Variants in NEGR1 observed in about 807,000 individuals in gnomAD.
The protein encoded by NEGR1 is neuronal growth regulator 1.
A neutral mutation model predicts 40.9 loss-of-function variants in NEGR1; 10 were observed. The observed-to-expected ratio is 0.24, with a 90% CI of 0.15 to 0.42. The LOEUF (loss-of-function observed/expected upper bound fraction) is 0.42, where lower values mean the gene tolerates loss of function less well. NEGR1 is among the 10% of genes least tolerant of loss of function. The probability of loss-of-function intolerance (pLI) is 1.00; values close to 1 mark genes in which losing one functional copy is unlikely to be tolerated. For synonymous variants in NEGR1, 185 were observed against 166.8 expected, an observed-to-expected ratio of 1.11 and a Z score of -0.84; for missense variants, 352 against 438.9, an observed-to-expected ratio of 0.80 and a Z score of 1.77.
chr1:71,879,961 G>A (rs921639793), intron 2 of NEGR1, among the ~76,000 whole-genome samples: 2 of 152,058 alleles, frequency 1.3e-5, no homozygotes, highest in Non-Finnish European at 2.9e-5. Context: ...TTTCATATGA[G>A]TTCTATAGTA....
intron 1 of NEGR1, among the ~76,000 whole-genome samples, chr1:71,996,622 T>A (rs946751928): frequency 6.6e-6 from 1 of 152,112 alleles, no homozygotes; most frequent in Admixed American, 6.5e-5. Flanking sequence ...CAAGGCTACT[T>A]CCTCAACATA....
chr1:72,185,919 A>G (rs1008152006), intron 1 of NEGR1, among the ~76,000 whole-genome samples: 9 of 151,960 alleles, frequency 5.9e-5, no homozygotes, highest in African/African-American at 2.2e-4. Flanking sequence ...ATATAGGGGA[A>G]AATACAAATG....
intron 2 of NEGR1, among the ~76,000 whole-genome samples, chr1:71,777,056 C>G (rs1656538678): frequency 2.6e-5 from 4 of 152,014 alleles, no homozygotes. Flanking sequence ...GTTTTTATCC[C>G]AGAATTTAAT....
intron 3 of NEGR1, among the ~76,000 whole-genome samples, chr1:71,768,810 G>A (rs556640328): frequency 6.0e-4 from 92 of 152,206 alleles, no homozygotes; most frequent in African/African-American, 2.2e-3. Context: ...TGGATCAAGT[G>A]GGTGATTTTT....
intron 4 of NEGR1, among the ~76,000 whole-genome samples, chr1:71,632,427 A>C (rs1406142786): frequency 6.6e-6 from 1 of 151,316 alleles, no homozygotes. Flanking sequence ...CATTACTCTT[A>C]TGACAACATC....
At chr1:72,114,470 A>C (rs1649506706) in intron 1 of NEGR1, among the ~76,000 whole-genome samples, 3 of 151,742 alleles carry the variant, frequency 2.0e-5, no homozygotes, top group Non-Finnish European at 4.4e-5. Flanking sequence ...ATAGATGATA[A>C]TGACAGATAG....
intron 2 of NEGR1, among the ~76,000 whole-genome samples, chr1:71,924,752 G>T (rs1645756429): frequency 6.6e-6 from 1 of 152,084 alleles, no homozygotes; most frequent in African/African-American, 2.4e-5. Flanking sequence ...TAGAATGCTG[G>T]TGTCTTATTT....
At chr1:72,262,136 A>G (rs1361425092) in intron 1 of NEGR1, among the ~76,000 whole-genome samples, 1 of 152,024 alleles carries the variant, frequency 6.6e-6, no homozygotes, top group Non-Finnish European at 1.5e-5. Flanking sequence ...ACTGGGTGGC[A>G]GGGCCTGCTT....
At chr1:71,618,913 T>G (rs917110679) in intron 4 of NEGR1, among the ~76,000 whole-genome samples, 39 of 152,128 alleles carry the variant, frequency 2.6e-4, no homozygotes, top group Admixed American at 2.0e-3. Flanking sequence ...ATGTGTCAAA[T>G]TACTGGAATA....
intron 1 of NEGR1, among the ~76,000 whole-genome samples, chr1:72,007,385 A>C (rs1320280065): frequency 6.9e-6 from 1 of 145,116 alleles, no homozygotes; most frequent in African/African-American, 2.5e-5. Context: ...GAAAGAATTA[A>C]AAAAAAAAAA....
intron 1 of NEGR1, among the ~76,000 whole-genome samples, chr1:72,032,302 C>T (rs150584529): frequency 1.3e-3 from 193 of 152,138 alleles, no homozygotes; most frequent in African/African-American, 4.4e-3. Flanking sequence ...CAGGAAGTTT[C>T]GGAACAGAGG....
intron 6 of NEGR1, among the ~76,000 whole-genome samples, chr1:71,587,065 T>C (rs1257056287): frequency 6.6e-6 from 1 of 152,018 alleles, no homozygotes; most frequent in African/African-American, 2.4e-5. Flanking sequence ...GAAAACCCCA[T>C]CTCCTTTAAG....
intron 1 of NEGR1, among the ~76,000 whole-genome samples, chr1:72,276,498 T>G (rs1406722126): frequency 1.3e-5 from 2 of 152,160 alleles, no homozygotes; most frequent in Non-Finnish European, 2.9e-5. Flanking sequence ...TCAATTTATT[T>G]TCCACACATA....
At chr1:71,700,735 C>A (rs559606248) in intron 3 of NEGR1, among the ~76,000 whole-genome samples, 2 of 151,964 alleles carry the variant, frequency 1.3e-5, no homozygotes, top group South Asian at 4.1e-4. Flanking sequence ...ATAATAGGTC[C>A]CCCAAAGTTA....
intron 5 of NEGR1, among the ~76,000 whole-genome samples, chr1:71,597,087 C>CTGTA (rs1649736786): frequency 6.6e-6 from 1 of 152,078 alleles, no homozygotes; most frequent in Non-Finnish European, 1.5e-5. Context: ...CAGCAATAGA[C>CTGTA]TGTAGGCTTG....
At chr1:71,625,788 G>A (rs2101558220) in intron 4 of NEGR1, among the ~76,000 whole-genome samples, 1 of 151,944 alleles carries the variant, frequency 6.6e-6, no homozygotes, top group Non-Finnish European at 1.5e-5. Flanking sequence ...CCTCTAACAT[G>A]AATAATGCAA....
chr1:71,487,538 A>ACACTC (rs1646895220), intron 6 of NEGR1, among the ~76,000 whole-genome samples: 1 of 151,750 alleles, frequency 6.6e-6, no homozygotes, highest in African/African-American at 2.4e-5. Context: ...TTGAGTTTGC[A>ACACTC]CACTCGGTTC....
chr1:72,090,277 T>G (rs1648420140), intron 1 of NEGR1, among the ~76,000 whole-genome samples: 1 of 151,482 alleles, frequency 6.6e-6, no homozygotes, highest in Admixed American at 6.6e-5. Context: ...AGTAATTCTG[T>G]ATCTAGGTGA....
rs200756916 is a variant in NEGR1 at position 71,407,430 on chromosome 1, T to A, written c.*16A>T. On this transcript the variant is annotated 3_prime_UTR_variant, in exon 7 of 7. Coordinates refer to ENST00000357731, the MANE Select transcript of NEGR1 (RefSeq NM_173808.3). ...CTTTCAGAGAATCCTTAAAAGCCTTTTATGGGTCTTTGAATTTATTGTAGA... is the reference window on the plus strand; with the variant it reads ...CTTTCAGAGAATCCTTAAAAGCCTTATATGGGTCTTTGAATTTATTGTAGA... 4.8e-4 allele frequency: 767 copies of A among 1,610,606 alleles called. 1 individual carries two copies. The highest frequency in any genetic ancestry group is 1.3e-3 in the Middle Eastern group (8 of 6,028).
Sources: allele counts gnomAD v4.1 joint callset (sites outside exome capture counted in the v4.1 genomes callset), GRCh38; gene constraint gnomAD v4.1.1; transcripts MANE v1.5; gene names NCBI Gene and HGNC (gene_info 2026-07-23, HGNC 2026-07-21).